The following ZNF385D variants were observed in gnomAD, a reference collection of about 807,000 sequenced individuals.
ZNF385D encodes the protein zinc finger protein 385D.
ZNF385D carries 15 observed loss-of-function variants against 35.8 expected under a neutral mutation model. The observed-to-expected ratio is 0.42, with a 90% CI of 0.28 to 0.64. The LOEUF (loss-of-function observed/expected upper bound fraction) is 0.64, where lower values mean the gene tolerates loss of function less well. ZNF385D is among the 30% of genes least tolerant of loss of function. The pLI is 0.23. For missense variants in ZNF385D, 474 were observed against 494.6 expected (o/e 0.96, Z 0.39); for synonymous variants, 212 against 186.8 (o/e 1.13, Z -1.10).
intron 3 of ZNF385D, among the ~76,000 whole-genome samples, chr3:21,775,649 C>T (rs976983203): frequency 1.3e-5 from 2 of 151,776 alleles, no homozygotes; most frequent in Admixed American, 1.3e-4. Flanking sequence ...TTATTTCCTC[C>T]TTCATAGATG....
intron 2 of ZNF385D, among the ~76,000 whole-genome samples, chr3:22,293,960 G>A (rs1009870636): frequency 6.6e-6 from 1 of 151,690 alleles, no homozygotes; most frequent in Non-Finnish European, 1.5e-5. Context: ...CCTATGTTAA[G>A]TTTGGGATCA....
At chr3:22,341,634 T>C (rs1695423887) in intron 2 of ZNF385D, among the ~76,000 whole-genome samples, 1 of 152,142 alleles carries the variant, frequency 6.6e-6, no homozygotes, top group African/African-American at 2.4e-5. Context: ...CTATTCACTA[T>C]AAAACGTAAA....
At chr3:21,869,981 T>C (rs1394578091) in intron 3 of ZNF385D, among the ~76,000 whole-genome samples, 2 of 152,164 alleles carry the variant, frequency 1.3e-5, no homozygotes, top group Non-Finnish European at 2.9e-5. Flanking sequence ...CATAAAAAGA[T>C]ATATTTTTAT....
intron 3 of ZNF385D, among the ~76,000 whole-genome samples, chr3:22,120,192 A>C (rs748874668): frequency 6.6e-6 from 1 of 152,010 alleles, no homozygotes; most frequent in Non-Finnish European, 1.5e-5. Context: ...TAGGGCTGCC[A>C]CAACAAAATA....
At chr3:21,914,952 T>C (rs528509098) in intron 3 of ZNF385D, among the ~76,000 whole-genome samples, 152 of 151,322 alleles carry the variant, frequency 1.0e-3, no homozygotes, top group African/African-American at 3.5e-3. Context: ...AAAATTAGTA[T>C]GTGTGCAAAT....
intron 2 of ZNF385D, among the ~76,000 whole-genome samples, chr3:22,292,616 T>C (rs1169662542): frequency 6.6e-6 from 1 of 152,114 alleles, no homozygotes; most frequent in Non-Finnish European, 1.5e-5. Context: ...TTCACACGGC[T>C]AATTTAAAGA....
chr3:21,652,195 C>T (rs919529565), intron 2 of ZNF385D, among the ~76,000 whole-genome samples: 1 of 152,154 alleles, frequency 6.6e-6, no homozygotes, highest in African/African-American at 2.4e-5. Flanking sequence ...TTCTGATTGA[C>T]TTTTCAGTCA....
At chr3:21,941,590 C>A (rs1036111528) in intron 3 of ZNF385D, among the ~76,000 whole-genome samples, 4 of 145,530 alleles carry the variant, frequency 2.7e-5, no homozygotes, top group African/African-American at 1.0e-4. Context: ...CTCCGCCTCC[C>A]GGGTTCACGC....
chr3:22,086,123 T>C (rs1701025913), intron 3 of ZNF385D, among the ~76,000 whole-genome samples: 1 of 152,192 alleles, frequency 6.6e-6, no homozygotes, highest in African/African-American at 2.4e-5. Context: ...CCTGGAAGCA[T>C]TCCCTTTGAA....
chr3:22,201,182 A>C (rs555342871), intron 2 of ZNF385D, among the ~76,000 whole-genome samples: 140 of 152,246 alleles, frequency 9.2e-4, no homozygotes, highest in African/African-American at 3.2e-3. Context: ...AGAAATTATA[A>C]AAGTATTAAT....
At chr3:22,184,215 G>C (rs1695475549) in intron 2 of ZNF385D, among the ~76,000 whole-genome samples, 1 of 152,126 alleles carries the variant, frequency 6.6e-6, no homozygotes, top group Non-Finnish European at 1.5e-5. Flanking sequence ...GTGAACAAAT[G>C]ATCTCTATTC....
At chr3:22,045,880 A>G (rs1698977075) in intron 3 of ZNF385D, among the ~76,000 whole-genome samples, 2 of 152,088 alleles carry the variant, frequency 1.3e-5, no homozygotes, top group Admixed American at 1.3e-4. Flanking sequence ...GCCACTCATC[A>G]GAGGTAGAAT....
chr3:21,784,012 T>G (rs1245929733), intron 3 of ZNF385D, among the ~76,000 whole-genome samples: 1 of 152,160 alleles, frequency 6.6e-6, no homozygotes, highest in East Asian at 1.9e-4. Flanking sequence ...ACTCACAGAC[T>G]GCAGTACAGT....
intron 3 of ZNF385D, among the ~76,000 whole-genome samples, chr3:21,962,824 A>C (rs1260035825): frequency 6.6e-6 from 1 of 152,204 alleles, no homozygotes; most frequent in Non-Finnish European, 1.5e-5. Flanking sequence ...ATTAATATGT[A>C]CTAGGGAAAT....
At chr3:21,964,944 G>A (rs1490661634) in intron 3 of ZNF385D, among the ~76,000 whole-genome samples, 1 of 152,274 alleles carries the variant, frequency 6.6e-6, no homozygotes, top group African/African-American at 2.4e-5. Context: ...ATATATTCAT[G>A]TATTTAGCAG....
chr3:22,163,458 T>C (rs761536375), intron 3 of ZNF385D, among the ~76,000 whole-genome samples: 44 of 152,328 alleles, frequency 2.9e-4, no homozygotes, highest in Non-Finnish European at 5.3e-4. Context: ...ATAAGTGAGA[T>C]GACACGTAAA....
intron 2 of ZNF385D, among the ~76,000 whole-genome samples, chr3:22,259,834 G>C (rs1438675638): frequency 1.4e-5 from 2 of 145,802 alleles, no homozygotes; most frequent in African/African-American, 5.2e-5. Flanking sequence ...AACATAGTGA[G>C]GAAAAAAAAA....
intron 2 of ZNF385D, among the ~76,000 whole-genome samples, chr3:21,629,213 G>T (rs1019392921): frequency 2.0e-5 from 3 of 152,040 alleles, no homozygotes; most frequent in Non-Finnish European, 4.4e-5. Flanking sequence ...GTTGTGGTGG[G>T]TCAAAATCAT....
chr3:22,126,674 T>C (rs75190072), intron 3 of ZNF385D, among the ~76,000 whole-genome samples: 5,628 of 152,246 alleles, frequency 0.037, 161 homozygotes, highest in Non-Finnish European at 0.058. Context: ...GGATGAAATG[T>C]TCTGTAGATA....
Sources: gnomAD v4.1 joint callset for allele counts (sites outside exome capture counted in the v4.1 genomes callset) on GRCh38, gnomAD v4.1.1 for gene constraint, MANE v1.5 for transcripts, NCBI Gene and HGNC (gene_info 2026-07-23, HGNC 2026-07-21) for gene names.